The following NVL variants were observed in gnomAD, a reference collection of about 807,000 sequenced individuals.
NVL encodes the protein nuclear VCP like, also known as nuclear valosin-containing protein-like.
In NVL, 84 loss-of-function variants were observed where a neutral mutation model predicts 110.2. That is an observed-to-expected ratio of 0.76 (90% CI 0.64 to 0.91). The LOEUF (loss-of-function observed/expected upper bound fraction) is 0.91. NVL is among the 40% of genes least tolerant of loss of function. The probability of loss-of-function intolerance (pLI) is 0.00; values close to 1 mark genes in which losing one functional copy is unlikely to be tolerated. For missense variants in NVL, 882 were observed against 1,035.9 expected (o/e 0.85, Z 2.04); for synonymous variants, 354 against 361.1 (o/e 0.98, Z 0.22).
intron 18 of NVL, among the ~76,000 whole-genome samples, chr1:224,266,623 A>C (rs1352288974): frequency 6.6e-6 from 1 of 152,220 alleles, no homozygotes; most frequent in East Asian, 1.9e-4. Context: ...TGTTACAGCA[A>C]AACAAAACAG....
At chr1:224,325,848 G>A (rs1252234329) in intron 2 of NVL, among the ~76,000 whole-genome samples, 2 of 152,130 alleles carry the variant, frequency 1.3e-5, no homozygotes, top group African/African-American at 4.8e-5. Context: ...GTGCAGTGGC[G>A]TGACCACAGC....
intron 8 of NVL, 93 bp from the exon 9 acceptor site, chr1:224,303,950 A>G: frequency 7.3e-7 from 1 of 1,367,222 alleles, no homozygotes; most frequent in Non-Finnish European, 9.8e-7. Flanking sequence ...AATGGAGTAG[A>G]TAGGTAGAAT....
chr1:224,233,684 G>A lies in NVL; in HGVS notation c.2367-395C>T, dbSNP rs941994631. 2.0e-5 allele frequency among the ~76,000 whole-genome samples: 3 copies of A among 152,110 alleles called. 1 individual carries two copies. Among genetic ancestry groups the A allele is most frequent in the South Asian group, 4.1e-4 (2 of 4,824 alleles). On this transcript the variant is annotated intron_variant, in intron 20 of 22. Coordinates refer to ENST00000281701, the MANE Select transcript of NVL (RefSeq NM_002533.4). Reference sequence around the variant, plus strand: ...TTAGGTGGGAGGATCACTTGAGCCCGGGAGGTGGCGGTTGCAATGAGCCAA... The same window carrying A: ...TTAGGTGGGAGGATCACTTGAGCCCAGGAGGTGGCGGTTGCAATGAGCCAA...
intron 17 of NVL, among the ~76,000 whole-genome samples, chr1:224,273,659 G>A (rs1665430858): frequency 6.6e-6 from 1 of 152,092 alleles, no homozygotes; most frequent in African/African-American, 2.4e-5. Flanking sequence ...ATGGACAAAT[G>A]AAGGGTTTAT....
intron 19 of NVL, among the ~76,000 whole-genome samples, chr1:224,245,301 G>A (rs948045846): frequency 1.3e-5 from 2 of 152,204 alleles, no homozygotes; most frequent in Non-Finnish European, 2.9e-5. Context: ...ATTAGATATT[G>A]TGCTTCCTCT....
chr1:224,298,713 A>G (rs1342018167), intron 10 of NVL: 1 of 152,312 alleles, frequency 6.6e-6, no homozygotes, highest in Non-Finnish European at 1.5e-5. Flanking sequence ...TGTTGTCCTA[A>G]TTCATTGTGT....
At chr1:224,253,018 G>A (rs1558257949) in intron 18 of NVL, among the ~76,000 whole-genome samples, 1 of 151,760 alleles carries the variant, frequency 6.6e-6, no homozygotes, top group Non-Finnish European at 1.5e-5. Context: ...TGTTTCATGT[G>A]TCAGTAATTT....
intron 22 of NVL, among the ~76,000 whole-genome samples, chr1:224,228,327 C>T (rs943963907): frequency 1.3e-5 from 2 of 151,916 alleles, no homozygotes; most frequent in Non-Finnish European, 2.9e-5. Context: ...TTTTTTGAAA[C>T]GGAGTCTCAC....
chr1:224,249,655 G>A (rs1662246604), intron 19 of NVL, among the ~76,000 whole-genome samples: 1 of 152,112 alleles, frequency 6.6e-6, no homozygotes, highest in African/African-American at 2.4e-5. Flanking sequence ...TGAGGCAGGA[G>A]AATGGCGTGA....
At chr1:224,323,082 A>T (rs1301739770) in intron 2 of NVL, among the ~76,000 whole-genome samples, 1 of 152,206 alleles carries the variant, frequency 6.6e-6, no homozygotes, top group Non-Finnish European at 1.5e-5. Flanking sequence ...AATGTTAAAG[A>T]TGCTTCTGGT....
chr1:224,244,520 G>A (rs535477912), intron 19 of NVL, among the ~76,000 whole-genome samples: 6 of 152,032 alleles, frequency 3.9e-5, no homozygotes, highest in Non-Finnish European at 8.8e-5. Context: ...TGCCCAGGCT[G>A]GAGTGCAGTG....
intron 18 of NVL, chr1:224,257,062 C>T (rs1313950455): frequency 3.8e-6 from 2 of 532,560 alleles, no homozygotes; most frequent in Admixed American, 2.0e-5. Context: ...CCCTCTCAAC[C>T]CAGCTTTTCC....
At position 224,330,154 on chromosome 1, in the gene NVL, G is replaced by C. The variant is rs16846702; in HGVS notation, c.-27C>G. 9 of 1,613,042 alleles carry C rather than the reference G, an allele frequency of 5.6e-6. No homozygotes were observed. Among genetic ancestry groups the C allele is most frequent in the African/African-American group, 1.3e-5 (1 of 74,902 alleles). On this transcript the variant is annotated 5_prime_UTR_variant, in exon 1 of 23. Transcript: ENST00000281701. ...GCGTCGGTCTTCCAAGCCACAGCTC[G>C]GACCGCCAGCTCCTAGTCAACCGGG...
At position 224,296,281 on chromosome 1, in the gene NVL, T is replaced by A. The variant is rs553781770; in HGVS notation, c.1180+220A>T. ...TATTTTTAGAGGTAGCATCTCGCTA[T>A]GTTGCCCAGGCTGGCCTCAAACTAC... On this transcript the variant is annotated intron_variant, in intron 11 of 22. Coordinates refer to ENST00000281701, the MANE Select transcript of NVL (RefSeq NM_002533.4). Among the ~76,000 whole-genome samples, 31 of 152,308 alleles carry A rather than the reference T, an allele frequency of 2.0e-4. No homozygotes were observed. The South Asian group carries it at 6.4e-3, about 32-fold the overall frequency.
At chr1:224,272,952 T>C (rs1396132781) in intron 17 of NVL, among the ~76,000 whole-genome samples, 1 of 142,058 alleles carries the variant, frequency 7.0e-6, no homozygotes, top group Non-Finnish European at 1.5e-5. Flanking sequence ...GAGAATGGCG[T>C]GAACCCGGGA....
chr1:224,302,913 G>A, intron 9 of NVL: 2 of 321,238 alleles, frequency 6.2e-6, no homozygotes, highest in Non-Finnish European at 1.2e-5. Flanking sequence ...GCTGGGCGTG[G>A]TGGTATGTGT....
At chr1:224,239,295 T>C (rs1660889099) in intron 19 of NVL, among the ~76,000 whole-genome samples, 1 of 151,444 alleles carries the variant, frequency 6.6e-6, no homozygotes, top group South Asian at 2.1e-4. Flanking sequence ...TTAATCTTTA[T>C]TATTTAATTT....
chr1:224,317,401 A>G (rs962722535), intron 4 of NVL, among the ~76,000 whole-genome samples: 3 of 152,176 alleles, frequency 2.0e-5, no homozygotes, highest in Admixed American at 2.0e-4. Flanking sequence ...AACATTTAAA[A>G]AGGGGTCTTA....
intron 18 of NVL, 67 bp downstream of exon 18, chr1:224,267,967 G>T: frequency 1.9e-6 from 2 of 1,062,056 alleles, no homozygotes; most frequent in South Asian, 1.4e-5. Flanking sequence ...TTAATTATCT[G>T]AATCTCTTCT....
Sources: allele counts gnomAD v4.1 joint callset (sites outside exome capture counted in the v4.1 genomes callset), GRCh38; gene constraint gnomAD v4.1.1; transcripts MANE v1.5; gene names NCBI Gene and HGNC (gene_info 2026-07-23, HGNC 2026-07-21).